Variants in VPS13B observed in about 807,000 individuals in gnomAD.
VPS13B encodes the protein intermembrane lipid transfer protein VPS13B.
A neutral mutation model predicts 426.4 loss-of-function variants in VPS13B; 285 were observed. That is an observed-to-expected ratio of 0.67 (90% confidence interval 0.61 to 0.74). VPS13B has a LOEUF of 0.74. Ranked by LOEUF, VPS13B falls within the 30% of genes least tolerant of loss-of-function variation. The pLI, the probability that VPS13B is intolerant of heterozygous loss-of-function variation, is 0.00. For missense variants in VPS13B, 4,537 were observed against 4,782.6 expected, an observed-to-expected ratio of 0.95 and a Z score of 1.51; for synonymous variants, 1,676 against 1,676.4, an observed-to-expected ratio of 1.00 and a Z score of 0.01.
At chr8:99,049,321 C>A (rs1033340025) in intron 3 of VPS13B, among the ~76,000 whole-genome samples, 1 of 151,924 alleles carries the variant, frequency 6.6e-6, no homozygotes, top group Admixed American at 6.6e-5. Flanking sequence ...CAAGAGTCAG[C>A]TCCCCTTTTA....
chr8:99,077,894 TA>T (rs746785614), intron 3 of VPS13B, among the ~76,000 whole-genome samples: 4 of 152,138 alleles, frequency 2.6e-5, no homozygotes, highest in Non-Finnish European at 5.9e-5. Flanking sequence ...GTTAGATATT[TA>T]AAAAAGAAAA....
intron 3 of VPS13B, among the ~76,000 whole-genome samples, chr8:99,055,833 A>AG (rs1323978099): frequency 6.6e-6 from 1 of 151,528 alleles, no homozygotes; most frequent in Non-Finnish European, 1.5e-5. Context: ...GGGCTCAAGC[A>AG]ATGCTCCCAC....
chr8:99,822,260 A>AT (rs1188001313), intron 50 of VPS13B, among the ~76,000 whole-genome samples: 1 of 152,244 alleles, frequency 6.6e-6, no homozygotes, highest in Non-Finnish European at 1.5e-5. Context: ...GAGAAGTTAG[A>AT]TTTTTGACAA....
chr8:99,873,749 TA>T (rs1817552837), intron 61 of VPS13B, among the ~76,000 whole-genome samples: 1 of 151,556 alleles, frequency 6.6e-6, no homozygotes, highest in Non-Finnish European at 1.5e-5. Flanking sequence ...TGCTGTAATC[TA>T]GAGTATTTTC....
intron 30 of VPS13B, among the ~76,000 whole-genome samples, chr8:99,530,688 C>G (rs1222794668): frequency 6.6e-6 from 1 of 151,860 alleles, no homozygotes; most frequent in African/African-American, 2.4e-5. Context: ...TGAGTGCTTC[C>G]TTTGTGTCAA....
intron 19 of VPS13B, among the ~76,000 whole-genome samples, chr8:99,287,276 A>C (rs1209981764): frequency 7.2e-6 from 1 of 139,756 alleles, no homozygotes; most frequent in African/African-American, 2.6e-5. Context: ...CTATCTATCT[A>C]TCTATCTATC....
At chr8:99,314,973 A>G (rs954938262) in intron 19 of VPS13B, among the ~76,000 whole-genome samples, 5 of 152,132 alleles carry the variant, frequency 3.3e-5, no homozygotes, top group South Asian at 2.1e-4. Context: ...TTCAATTTGC[A>G]TGGAATATCT....
intron 43 of VPS13B, among the ~76,000 whole-genome samples, chr8:99,805,351 T>C (rs1233264870): frequency 6.6e-6 from 1 of 152,140 alleles, no homozygotes; most frequent in Non-Finnish European, 1.5e-5. Flanking sequence ...ATATGTAACT[T>C]CACAAAAAAG....
chr8:99,277,240 T>G (rs1156808360), intron 19 of VPS13B, among the ~76,000 whole-genome samples: 4 of 152,112 alleles, frequency 2.6e-5, no homozygotes, highest in Non-Finnish European at 5.9e-5. Flanking sequence ...TTTAATGCTT[T>G]GAAAATATTC....
At chr8:99,788,410 T>C (rs1234288071) in intron 43 of VPS13B, among the ~76,000 whole-genome samples, 1 of 109,086 alleles carries the variant, frequency 9.2e-6, no homozygotes, top group Non-Finnish European at 1.9e-5. Flanking sequence ...AAAAGCAAAA[T>C]GTAACAAGGT....
intron 41 of VPS13B, among the ~76,000 whole-genome samples, chr8:99,777,547 A>T (rs376381332): frequency 3.7e-4 from 56 of 152,308 alleles, no homozygotes; most frequent in Middle Eastern, 3.4e-3. Flanking sequence ...GGAATTCAAG[A>T]TGAGATTTGG....
At chr8:99,659,538 G>A (rs1830144413) in intron 34 of VPS13B, among the ~76,000 whole-genome samples, 1 of 152,012 alleles carries the variant, frequency 6.6e-6, no homozygotes, top group African/African-American at 2.4e-5. Flanking sequence ...GTTAATGCAC[G>A]TTACCTCAGT....
chr8:99,411,950 A>G (rs1195602139), intron 21 of VPS13B, among the ~76,000 whole-genome samples: 1 of 152,158 alleles, frequency 6.6e-6, no homozygotes, highest in African/African-American at 2.4e-5. Flanking sequence ...TGGTTACTGT[A>G]GCCTTGTAGG....
chr8:99,306,030 A>C (rs899989327), intron 19 of VPS13B, among the ~76,000 whole-genome samples: 3 of 152,138 alleles, frequency 2.0e-5, no homozygotes, highest in Non-Finnish European at 4.4e-5. Context: ...TTATCAGATG[A>C]CTATTAAGAC....
intron 61 of VPS13B, chr8:99,875,186 T>G (rs1817637988): frequency 1.7e-6 from 1 of 600,580 alleles, no homozygotes; most frequent in Non-Finnish European, 2.9e-6. Flanking sequence ...CACCAAATGC[T>G]TATTCTAAGG....
chr8:99,122,017 A>G (rs1847971316), intron 8 of VPS13B, among the ~76,000 whole-genome samples: 1 of 148,944 alleles, frequency 6.7e-6, no homozygotes, highest in Non-Finnish European at 1.5e-5. Context: ...GTGCCCAGCT[A>G]ATTTTTTTTT....
intron 16 of VPS13B, among the ~76,000 whole-genome samples, chr8:99,180,241 C>T (rs896028663): frequency 6.6e-6 from 1 of 152,100 alleles, no homozygotes; most frequent in African/African-American, 2.4e-5. Context: ...TTCCATATTC[C>T]GTAATACTAG....
At chr8:99,366,385 C>T (rs1012967202) in intron 19 of VPS13B, among the ~76,000 whole-genome samples, 8 of 151,984 alleles carry the variant, frequency 5.3e-5, no homozygotes, top group East Asian at 1.9e-4. Context: ...TGTATTTTGT[C>T]GGATATAATA....
intron 36 of VPS13B, among the ~76,000 whole-genome samples, chr8:99,712,303 C>T (rs534155855): frequency 8.5e-4 from 129 of 152,352 alleles, no homozygotes; most frequent in South Asian, 2.5e-3. Flanking sequence ...CCAAGGCCTT[C>T]ATTTTCTTAA....
Sources: gnomAD v4.1 joint callset for allele counts (sites outside exome capture counted in the v4.1 genomes callset) on GRCh38, gnomAD v4.1.1 for gene constraint, MANE v1.5 for transcripts, NCBI Gene and HGNC (gene_info 2026-07-23, HGNC 2026-07-21) for gene names.